TMEM132E: variants seen among roughly 807,000 people sequenced by gnomAD.
The protein encoded by TMEM132E is transmembrane protein 132E.
Under a neutral mutation model 78.5 loss-of-function variants are expected in TMEM132E, and 49 were observed. The observed-to-expected ratio is 0.62, with a 90% CI of 0.50 to 0.79. The LOEUF (loss-of-function observed/expected upper bound fraction) is 0.79. Ranked by LOEUF, TMEM132E falls within the 30% of genes least tolerant of loss-of-function variation. TMEM132E has a pLI of 0.00. For missense variants in TMEM132E, 1,403 were observed against 1,470.9 expected, an observed-to-expected ratio of 0.95 and a Z score of 0.75; for synonymous variants, 715 against 670.6, an observed-to-expected ratio of 1.07 and a Z score of -1.02.
At chr17:34,595,699 C>T (rs570774069) in intron 1 of TMEM132E, among the ~76,000 whole-genome samples, 4 of 152,170 alleles carry the variant, frequency 2.6e-5, no homozygotes, top group African/African-American at 7.2e-5. Context: ...GGTTAAGACC[C>T]GTGTGCCTGA....
At chr17:34,614,201 G>T (rs931186481) in intron 1 of TMEM132E, among the ~76,000 whole-genome samples, 2 of 152,160 alleles carry the variant, frequency 1.3e-5, no homozygotes, top group Non-Finnish European at 2.9e-5. Context: ...GGAAAGAGAG[G>T]CTCTTCAACA....
At chr17:34,623,752 C>G (rs896695952) in intron 1 of TMEM132E, among the ~76,000 whole-genome samples, 5 of 152,220 alleles carry the variant, frequency 3.3e-5, no homozygotes, top group African/African-American at 9.7e-5. Context: ...AGTCCCAAAG[C>G]CAGTTGGTTC....
In TMEM132E at chr17:34,627,443, C is replaced by T. The variant is rs139680384; in HGVS notation, c.998+386C>T. Among the ~76,000 whole-genome samples the T allele has an allele frequency of 2.9e-4, 37 of 126,454 alleles. 1 individual carries two copies. The East Asian group carries it at 7.8e-3, about 27-fold the overall frequency. 83.0% of individuals were successfully genotyped at this position (126,454 alleles called of 152,430 possible). A position where few individuals can be genotyped will look rare whatever the true frequency, so the allele number is the denominator to read the frequency against. On this transcript the variant is annotated intron_variant, in intron 2 of 8. Coordinates refer to ENST00000631683, the MANE Select transcript of TMEM132E (RefSeq NM_001304438.2). ...AGAGAAATTGGGTCCAGAGAGCAGC[C>T]TCTTGGCTGGGAGCCAAAAGAATCG...
intron 1 of TMEM132E, among the ~76,000 whole-genome samples, chr17:34,619,421 C>T (rs903519323): frequency 4.0e-5 from 6 of 148,904 alleles, no homozygotes; most frequent in African/African-American, 1.5e-4. Flanking sequence ...ATACAGATAC[C>T]AGGCCTGTCC....
Position 34,626,393 on chromosome 17 carries a change from A to T in TMEM132E, c.334A>T (p.Ser112Cys), listed in dbSNP as rs1567719522. 1 of 1,613,304 alleles carries T rather than the reference A, an allele frequency of 6.2e-7. No individual in the cohort carries two copies. Among genetic ancestry groups the T allele is most frequent in the Admixed American group, 1.7e-5 (1 of 59,998 alleles). ...GGCGCGGGAGCTCCTGCAGCCGTCC[A>T]GCACCCTGGACATCCCCGAGCGCCT... is the stretch of plus-strand genomic sequence containing the variant. ...VVARELLQPS[S>C]TLDIPERLTV... Residue 112 changes from serine to cysteine, a missense_variant, in exon 2 of 9, where the codon AGC (serine) becomes TGC (cysteine). By Grantham distance (112) the Ser-to-Cys change is moderately radical. Coordinates refer to ENST00000631683, the MANE Select transcript of TMEM132E (RefSeq NM_001304438.2).
Position 34,637,862 on chromosome 17 carries a change from C to T in TMEM132E, c.2855C>T (p.Pro952Leu), listed in dbSNP as rs1907588134. 1.2e-6 allele frequency: 2 copies of T among 1,609,076 alleles called. No individual in the cohort carries two copies. Among genetic ancestry groups the T allele is most frequent in the South Asian group, 1.1e-5 (1 of 90,978 alleles). ...QPLRVQGELS[P>L]PAGNPLETVP... Reference sequence around the variant, plus strand: ...CTGCGGGTGCAAGGAGAGCTGTCGCCGCCAGCAGGCAACCCGCTGGAAACC... The same window carrying T: ...CTGCGGGTGCAAGGAGAGCTGTCGCTGCCAGCAGGCAACCCGCTGGAAACC... The change falls in exon 9 of 9, where the codon CCG becomes CTG. Residue 952 changes from proline (P) to leucine (L), a missense_variant. Physicochemically the swap from Pro to Leu is moderately conservative, Grantham distance 98. Around this residue, in one of 3 missense-constraint regions of TMEM132E, gnomAD observed 888 missense variants for 952.8 expected, o/e 0.93. Coordinates refer to ENST00000631683, the MANE Select transcript of TMEM132E (RefSeq NM_001304438.2).
chr17:34,621,424 C>A (rs528472517), intron 1 of TMEM132E, among the ~76,000 whole-genome samples: 1 of 152,292 alleles, frequency 6.6e-6, no homozygotes, highest in Admixed American at 6.5e-5. Context: ...TTAGGGCCCA[C>A]CCTCACAGCT....
chr17:34,592,696 T>C (rs994667272), intron 1 of TMEM132E, among the ~76,000 whole-genome samples: 7 of 152,238 alleles, frequency 4.6e-5, no homozygotes, highest in Non-Finnish European at 1.0e-4. Flanking sequence ...CCACTGCAGT[T>C]ATGCACTCCG....
At chr17:34,614,553 G>A (rs1906715918) in intron 1 of TMEM132E, 1 of 152,234 alleles carries the variant, frequency 6.6e-6, no homozygotes, top group Non-Finnish European at 1.5e-5. Context: ...TGAAATCACA[G>A]ATGCAGACAG....
In TMEM132E at chr17:34,621,347, A is replaced by G. The variant is rs924443878; in HGVS notation, c.68-4780A>G. On this transcript the variant is annotated intron_variant, in intron 1 of 8. Transcript: ENST00000631683. ...ACAGCTACCTTCTCACTGTGTCTTC[A>G]CAACTTCTCTCTGTGTGTGTCTGCA... Among the ~76,000 whole-genome samples, 16 of 152,144 alleles carry G rather than the reference A, an allele frequency of 1.1e-4. 1 individual carries two copies. Among genetic ancestry groups the G allele is most frequent in the African/African-American group, 3.1e-4 (13 of 41,426 alleles).
chr17:34,638,570 G>C lies in TMEM132E; in HGVS notation c.*338G>C. On this transcript the variant is annotated 3_prime_UTR_variant, in exon 9 of 9. Coordinates refer to ENST00000631683, the MANE Select transcript of TMEM132E (RefSeq NM_001304438.2). Reference sequence around the variant, plus strand: ...AGTGAGGCAAGGAGGTCCAGCTTGGGGTCAGGTGGGCCCACGCTGTGTCCC... The same window carrying C: ...AGTGAGGCAAGGAGGTCCAGCTTGGCGTCAGGTGGGCCCACGCTGTGTCCC... 4.1e-6 allele frequency: 1 copy of C among 246,450 alleles called. No individual in the cohort carries two copies. 15.3% of individuals were successfully genotyped at this position (246,450 alleles called of 1,614,324 possible).
chr17:34,630,645 G>A (rs1487153595), intron 5 of TMEM132E, among the ~76,000 whole-genome samples: 1 of 152,166 alleles, frequency 6.6e-6, no homozygotes, highest in East Asian at 1.9e-4. Context: ...TCAGATGAAG[G>A]CAATGTAGCT....
In TMEM132E at chr17:34,626,170, G is replaced by T. The variant is rs375386140; in HGVS notation, c.111G>T (p.Pro37=). The T allele has an allele frequency of 1.6e-4, 243 of 1,556,202 alleles. No homozygotes were observed. The Middle Eastern group carries it at 2.7e-3, about 17-fold the overall frequency. Residue 37 remains proline, a synonymous_variant, in exon 2 of 9, where the codon CCG becomes CCT. Transcript: ENST00000631683. ...SHPASPSPPG[P]QASPVLPVSY... ...CGGCCAGCCCCAGCCCGCCGGGGCC[G>T]CAGGCCAGCCCGGTGCTGCCAGTCA...
chr17:34,586,421 A>G (rs183081338), intron 1 of TMEM132E, among the ~76,000 whole-genome samples: 1 of 152,182 alleles, frequency 6.6e-6, no homozygotes, highest in East Asian at 1.9e-4. Flanking sequence ...GTCCCCAAGG[A>G]TGGGACAGTG....
intron 1 of TMEM132E, among the ~76,000 whole-genome samples, chr17:34,584,528 T>C (rs772723088): frequency 2.7e-4 from 41 of 152,240 alleles, no homozygotes; most frequent in Admixed American, 1.2e-3. Flanking sequence ...TGTGCAATCC[T>C]CCTGATCCCC....
rs983071003 is a variant in TMEM132E at position 34,581,360 on chromosome 17, G to A, written c.67+217G>A. Among the ~76,000 whole-genome samples, 4 of 147,860 alleles carry A rather than the reference G, an allele frequency of 2.7e-5. No individual in the cohort carries two copies. In the East Asian group the frequency reaches 6.1e-4, roughly 23 times the overall value. On this transcript the variant is annotated intron_variant, in intron 1 of 8. Coordinates refer to ENST00000631683, the MANE Select transcript of TMEM132E (RefSeq NM_001304438.2). ...GCCCGGCGCCAGAAAAGGGTGGGGG[G>A]AGGGTGTCGCTCCAGTCCTCTCCTG...
Position 34,582,598 on chromosome 17 carries a change from A to G in TMEM132E, c.67+1455A>G, listed in dbSNP as rs545640785. Among the ~76,000 whole-genome samples, 595 of 149,350 alleles carry G rather than the reference A, an allele frequency of 4.0e-3. 3 individuals are homozygous for G. Among genetic ancestry groups the G allele is most frequent in the Non-Finnish European group, 7.0e-3 (464 of 66,718 alleles). On this transcript the variant is annotated intron_variant, in intron 1 of 8. Coordinates refer to ENST00000631683, the MANE Select transcript of TMEM132E (RefSeq NM_001304438.2). ...GGAATAGGCAGAGCAGCGAGCCAGC[A>G]GGGGGGCGAGGGTGAGGTGGGGCGA... is the stretch of plus-strand genomic sequence containing the variant.
At chr17:34,592,180 G>A (rs1905894230) in intron 1 of TMEM132E, among the ~76,000 whole-genome samples, 1 of 152,158 alleles carries the variant, frequency 6.6e-6, no homozygotes, top group African/African-American at 2.4e-5. Flanking sequence ...AAAAACAGCA[G>A]TGGCCAGCTG....
chr17:34,622,731 C>T (rs892980782), intron 1 of TMEM132E, among the ~76,000 whole-genome samples: 1 of 152,196 alleles, frequency 6.6e-6, no homozygotes, highest in Non-Finnish European at 1.5e-5. Context: ...TATTGAGGGC[C>T]TGCCTGCTAT....
Sources: allele counts gnomAD v4.1 joint callset (sites outside exome capture counted in the v4.1 genomes callset), GRCh38; gene constraint gnomAD v4.1.1; regional missense constraint gnomAD v4.1.1; transcripts MANE v1.5; gene names NCBI Gene and HGNC (gene_info 2026-07-23, HGNC 2026-07-21).